FILIP1L: variants seen among roughly 807,000 people sequenced by gnomAD.
FILIP1L encodes filamin A interacting protein 1 like.
In FILIP1L, 55 loss-of-function variants were observed where a neutral mutation model predicts 96.6. The ratio of observed to expected loss-of-function variants is 0.57; its 90% CI spans 0.46 to 0.71. The LOEUF is 0.71. Among genes scored for constraint, FILIP1L ranks in the 30% least tolerant of loss-of-function variants. FILIP1L has a pLI of 0.00. For missense variants in FILIP1L, 1,304 were observed against 1,321.2 expected (o/e 0.99, Z 0.20); for synonymous variants, 467 against 473.9 (o/e 0.99, Z 0.19).
intron 1 of FILIP1L, among the ~76,000 whole-genome samples, chr3:99,999,069 C>G (rs1404989401): frequency 6.6e-6 from 1 of 152,122 alleles, no homozygotes; most frequent in African/African-American, 2.4e-5. Context: ...TACTATGTAC[C>G]TATATCCGTC....
intron 4 of FILIP1L, chr3:99,898,857 A>G (rs1285046264): frequency 6.6e-6 from 1 of 152,172 alleles, no homozygotes; most frequent in Non-Finnish European, 1.5e-5. Flanking sequence ...ATTACATATG[A>G]ATACCAGAAG....
chr3:99,989,684 ATT>A lies in FILIP1L; in HGVS notation c.-10-58656_-10-58655del, dbSNP rs201683932. On this transcript the variant is annotated intron_variant, in intron 1 of 5. Coordinates refer to ENST00000477258, the MANE Select transcript of FILIP1L (RefSeq NM_001387850.1). ...TTCCTCTATATATATATATATATAT[ATT>A]TTTTTTCTTTTTTTTGCAGAAAAAT... Among the ~76,000 whole-genome samples, 30 of 58,388 alleles carry A rather than the reference ATT, an allele frequency of 5.1e-4. No homozygotes were observed. The East Asian group carries it at 7.2e-3, about 14-fold the overall frequency. 38.3% of individuals were successfully genotyped at this position (58,388 alleles called of 152,430 possible).
chr3:99,927,525 A>G (rs1347588765), intron 3 of FILIP1L, among the ~76,000 whole-genome samples: 1 of 151,754 alleles, frequency 6.6e-6, no homozygotes, highest in Non-Finnish European at 1.5e-5. Context: ...ATGTGCCACC[A>G]CGCCCGGCTA....
intron 1 of FILIP1L, among the ~76,000 whole-genome samples, chr3:100,065,900 G>C (rs2065655388): frequency 6.6e-6 from 1 of 152,182 alleles, no homozygotes; most frequent in Non-Finnish European, 1.5e-5. Flanking sequence ...ATGGCTCCTG[G>C]ATCAACAGCA....
chr3:100,059,852 T>C (rs2065529786), intron 1 of FILIP1L, among the ~76,000 whole-genome samples: 1 of 152,212 alleles, frequency 6.6e-6, no homozygotes, highest in Non-Finnish European at 1.5e-5. Context: ...CTAATTCATA[T>C]TCTTCAAAAA....
chr3:99,957,213 G>A (rs1348466043), intron 1 of FILIP1L, among the ~76,000 whole-genome samples: 1 of 152,084 alleles, frequency 6.6e-6, no homozygotes, highest in Non-Finnish European at 1.5e-5. Flanking sequence ...GCAGTGAAAG[G>A]GCCAAGCCGG....
chr3:99,985,341 G>C (rs772386811), intron 1 of FILIP1L, among the ~76,000 whole-genome samples: 1 of 151,994 alleles, frequency 6.6e-6, no homozygotes, highest in African/African-American at 2.4e-5. Context: ...AGACCAGCCC[G>C]AACAACATGG....
intron 5 of FILIP1L, among the ~76,000 whole-genome samples, chr3:99,838,233 ATCCCAGGTCAGTCT>A (rs1409017960): frequency 6.6e-6 from 1 of 152,170 alleles, no homozygotes; most frequent in Non-Finnish European, 1.5e-5. Flanking sequence ...CACATCTCCT[ATCCCAGGTCAGTCT>A]TCCCCGTGCC....
chr3:100,109,295 A>C (rs1023756633), intron 1 of FILIP1L, among the ~76,000 whole-genome samples: 2 of 152,138 alleles, frequency 1.3e-5, no homozygotes, highest in African/African-American at 4.8e-5. Context: ...TGAAGTTTGA[A>C]GTGGGATTCT....
chr3:99,962,220 G>A (rs934201072), intron 1 of FILIP1L, among the ~76,000 whole-genome samples: 2 of 152,166 alleles, frequency 1.3e-5, no homozygotes, highest in Non-Finnish European at 2.9e-5. Context: ...GAGGCACTAA[G>A]TGGGAGGTGA....
intron 4 of FILIP1L, among the ~76,000 whole-genome samples, chr3:99,858,375 G>C (rs1029177931): frequency 6.6e-6 from 1 of 152,096 alleles, no homozygotes; most frequent in Non-Finnish European, 1.5e-5. Context: ...TGAGGCAGGA[G>C]AATTGCTTGA....
At chr3:99,955,357 G>T (rs1465853558) in intron 1 of FILIP1L, among the ~76,000 whole-genome samples, 1 of 152,110 alleles carries the variant, frequency 6.6e-6, no homozygotes, top group Non-Finnish European at 1.5e-5. Context: ...CTCATGGAAA[G>T]ATACCTACAA....
intron 5 of FILIP1L, among the ~76,000 whole-genome samples, chr3:99,832,472 C>T (rs1470820291): frequency 6.8e-6 from 1 of 147,798 alleles, no homozygotes; most frequent in Non-Finnish European, 1.5e-5. Flanking sequence ...CCTCATGATC[C>T]GCCCGCCTTG....
intron 1 of FILIP1L, among the ~76,000 whole-genome samples, chr3:99,945,888 G>A (rs988474352): frequency 5.3e-5 from 8 of 152,356 alleles, no homozygotes; most frequent in African/African-American, 1.9e-4. Context: ...GCCAGTGGGA[G>A]AAGCCCTTGG....
intron 4 of FILIP1L, among the ~76,000 whole-genome samples, chr3:99,878,102 CCTTGCCTGGTACACTA>C (rs1705596674): frequency 6.6e-6 from 1 of 152,086 alleles, no homozygotes; most frequent in Non-Finnish European, 1.5e-5. Context: ...CCTTGTATGC[CCTTGCCTGGTACACTA>C]CTTGCCTGGT....
At chr3:99,989,114 A>G (rs977394465) in intron 1 of FILIP1L, among the ~76,000 whole-genome samples, 29 of 152,222 alleles carry the variant, frequency 1.9e-4, no homozygotes, top group African/African-American at 7.0e-4. Context: ...GGGTGCTTTC[A>G]TATACATTAT....
intron 1 of FILIP1L, among the ~76,000 whole-genome samples, chr3:100,000,168 A>G (rs1046119863): frequency 6.6e-6 from 1 of 152,170 alleles, no homozygotes; most frequent in African/African-American, 2.4e-5. Flanking sequence ...TTGTTCCACA[A>G]AAATTTCTTC....
chr3:99,887,026 C>CT (rs1705923652), intron 4 of FILIP1L, among the ~76,000 whole-genome samples: 1 of 150,476 alleles, frequency 6.6e-6, no homozygotes, highest in African/African-American at 2.4e-5. Context: ...AATCCCAGCA[C>CT]TTTGAGAGGC....
At chr3:99,836,409 A>C (rs1364238960) in intron 5 of FILIP1L, among the ~76,000 whole-genome samples, 1 of 152,148 alleles carries the variant, frequency 6.6e-6, no homozygotes, top group Non-Finnish European at 1.5e-5. Flanking sequence ...GCTAAGTTTG[A>C]AGTGTATAGT....
Sources: gnomAD v4.1 joint callset for allele counts (sites outside exome capture counted in the v4.1 genomes callset) on GRCh38, gnomAD v4.1.1 for gene constraint, MANE v1.5 for transcripts, NCBI Gene and HGNC (gene_info 2026-07-23, HGNC 2026-07-21) for gene names.